Variants in MEX3D observed in about 807,000 individuals in gnomAD.
MEX3D encodes mex-3 RNA binding family member D, also known as RNA-binding protein MEX3D.
Under a neutral mutation model 6.3 loss-of-function variants are expected in MEX3D, and 4 were observed. That is an observed-to-expected ratio of 0.64 (90% CI 0.31 to 1.46). The LOEUF is 1.46. Ranked by LOEUF, MEX3D falls within the 40% of genes most tolerant of loss-of-function variation. The pLI, the probability that MEX3D is intolerant of heterozygous loss-of-function variation, is 0.07. For synonymous variants in MEX3D, 626 were observed against 494.1 expected, an observed-to-expected ratio of 1.27 and a Z score of -3.54; for missense variants, 1,038 against 994.4, an observed-to-expected ratio of 1.04 and a Z score of -0.59.
chr19:1,557,889 A>C (rs1254879960), intron 1 of MEX3D, among the ~76,000 whole-genome samples: 2 of 143,836 alleles, frequency 1.4e-5, no homozygotes, highest in Non-Finnish European at 3.0e-5. Flanking sequence ...AAAAAAAAAA[A>C]AAAAAAAGCC....
At chr19:1,558,809 G>C (rs886762199) in intron 1 of MEX3D, among the ~76,000 whole-genome samples, 1 of 152,220 alleles carries the variant, frequency 6.6e-6, no homozygotes, top group Admixed American at 6.5e-5. Context: ...GCCCTGAGGG[G>C]CCTGCTGTGG....
In MEX3D at chr19:1,563,729, AC is replaced by A. The variant is rs1000269120; in HGVS notation, c.595+3734del. Among the ~76,000 whole-genome samples, 26 of 151,702 alleles carry A rather than the reference AC, an allele frequency of 1.7e-4. 1 individual carries two copies. Among genetic ancestry groups the A allele is most frequent in the Admixed American group, 7.2e-4 (11 of 15,220 alleles). On this transcript the variant is annotated intron_variant, in intron 1 of 1. Transcript: ENST00000402693. ...CTCCCAGACAGGGCTGCCTCCCCTC[AC>A]CCCCAGCCCTCAAGCTTTGGAATCT...
In MEX3D at chr19:1,556,337, C is replaced by T. The variant is rs774314774; in HGVS notation, c.1182G>A (p.Thr394=). The T allele has an allele frequency of 2.9e-6, 4 of 1,384,984 alleles. No homozygotes were observed. The highest frequency in any genetic ancestry group is 3.1e-5 in the African/African-American group (2 of 65,218). 85.8% of individuals were successfully genotyped at this position (1,384,984 alleles called of 1,614,324 possible). ...CGGGGGCGCTGGGGGCGCCCAGGGC[C>T]GTGTCCCCGCGGAGGCCGGCCGTGG... is the stretch of plus-strand genomic sequence containing the variant. ...PTATAGLRGD[T]ALGAPSAPEA... is the part of the protein sequence containing the mutation. Residue 394 remains threonine, a synonymous_variant, in exon 2 of 2, where the codon ACG becomes ACA. Transcript: ENST00000402693. This position sits in a 1 kb window ranked among gnomAD's most constrained non-coding sequence, Gnocchi z 7.5.
Position 1,555,453 on chromosome 19 carries a change from C to A in MEX3D, c.*110G>T. 7.5e-7 allele frequency: 1 copy of A among 1,326,736 alleles called. No homozygotes were observed. Among genetic ancestry groups the A allele is most frequent in the Non-Finnish European group, 1.0e-6 (1 of 992,354 alleles). The allele number at this position is 1,326,736 out of a possible 1,614,324, so 82.2% of individuals were successfully genotyped here. ...GCCGCCCACCCCCCTGCCCCCTCGG[C>A]CTCCGCCCCTCGCCCCCTCCCCGTC... On this transcript the variant is annotated 3_prime_UTR_variant, in exon 2 of 2. Coordinates refer to ENST00000402693, the MANE Select transcript of MEX3D (RefSeq NM_203304.4).
chr19:1,556,165 C>T lies in MEX3D; in HGVS notation c.1354G>A (p.Asp452Asn), dbSNP rs769687242. The T allele has an allele frequency of 2.0e-6, 3 of 1,470,566 alleles. No individual in the cohort carries two copies. Among genetic ancestry groups the T allele is most frequent in the Admixed American group, 4.2e-5 (2 of 47,074 alleles). The allele number at this position is 1,470,566 out of a possible 1,614,324, so 91.1% of individuals were successfully genotyped here. ...AGGAAGTCGAAGTCGAAGCCGAAGT[C>T]GCAGTCGTCGGGGGCGGCCGTCCCC... ...PVGTAAPDDC[D>N]FGFDFDFLAL... Residue 452 changes from aspartate (D) to asparagine (N), a missense_variant, in exon 2 of 2, where the codon GAC becomes AAC. Asp to Asn is a conservative substitution (Grantham distance 23). Coordinates refer to ENST00000402693, the MANE Select transcript of MEX3D (RefSeq NM_203304.4). The surrounding 1 kb of genome is among the most constrained non-coding windows in gnomAD (Gnocchi z 7.5).
Position 1,555,953 on chromosome 19 carries a change from G to C in MEX3D, c.1566C>G (p.Gly522=). ...RHSPTLPEPG[G]LRLELPLSRR... ...GAGACAGCGGGAGCTCCAGGCGGAGGCCGCCGGGCTCGGGCAGCGTGGGCG... is the reference window on the plus strand; with the variant it reads ...GAGACAGCGGGAGCTCCAGGCGGAGCCCGCCGGGCTCGGGCAGCGTGGGCG... Residue 522 remains glycine (G), a synonymous_variant, in exon 2 of 2, where the codon GGC becomes GGG. Transcript: ENST00000402693. 8.5e-7 allele frequency: 1 copy of C among 1,172,526 alleles called. No individual in the cohort carries two copies. Among genetic ancestry groups the C allele is most frequent in the African/African-American group, 1.6e-5 (1 of 61,010 alleles). 72.6% of individuals were successfully genotyped at this position (1,172,526 alleles called of 1,614,324 possible).
In MEX3D at chr19:1,567,157, C is replaced by T. The variant is rs1914862919; in HGVS notation, c.595+307G>A. 1.3e-5 allele frequency among the ~76,000 whole-genome samples: 2 copies of T among 152,096 alleles called. No individual in the cohort carries two copies. The highest frequency in any genetic ancestry group is 1.3e-4 in the Admixed American group (2 of 15,280). Reference sequence around the variant, plus strand: ...GCCCTCGAGCCCCTCTCTGGGGTGCCCCTGCGGGCGGCCGAGGGCCTGGGC... The same window carrying T: ...GCCCTCGAGCCCCTCTCTGGGGTGCTCCTGCGGGCGGCCGAGGGCCTGGGC... On this transcript the variant is annotated intron_variant, in intron 1 of 1. Transcript: ENST00000402693. This position sits in a 1 kb window ranked among gnomAD's most constrained non-coding sequence, Gnocchi z 6.5.
At position 1,556,896 on chromosome 19, in the gene MEX3D, T is replaced by C. The variant is rs1029561197; in HGVS notation, c.623A>G (p.Lys208Arg). 6.2e-7 allele frequency: 1 copy of C among 1,610,384 alleles called. No homozygotes were observed. Among genetic ancestry groups the C allele is most frequent in the East Asian group, 2.2e-5 (1 of 44,862 alleles). ...TGGGGTCTTGATGTAGGTGTTTGTC[T>C]TGGCCCGCAGGGCCTTGATCTTGCA... ...QGCKIKALRA[K>R]TNTYIKTPVR... The change falls in exon 2 of 2, where the codon AAG becomes AGG. Residue 208 changes from lysine to arginine, a missense_variant. This residue lies in a region of MEX3D where 75 missense variants were observed against 125.1 expected (regional missense o/e 0.60). Coordinates refer to ENST00000402693, the MANE Select transcript of MEX3D (RefSeq NM_203304.4). The surrounding 1 kb of genome is among the most constrained non-coding windows in gnomAD (Gnocchi z 7.5).
chr19:1,556,045 T>G lies in MEX3D; in HGVS notation c.1474A>C (p.Asn492His). 1.5e-6 allele frequency: 2 copies of G among 1,340,656 alleles called. No individual in the cohort carries two copies. The highest frequency in any genetic ancestry group is 1.9e-6 in the Non-Finnish European group (2 of 1,045,084). The allele number at this position is 1,340,656 out of a possible 1,614,324, so 83.0% of individuals were successfully genotyped here. Reference sequence around the variant, plus strand: ...GCGGCGGGAGGTCCCGGGGCTCCGTTGACCGTGGAGCAGCCGCTGAAGGCG... The same window carrying G: ...GCGGCGGGAGGTCCCGGGGCTCCGTGGACCGTGGAGCAGCCGCTGAAGGCG... ...LPAFSGCSTV[N>H]GAPGPPAAGA... Residue 492 changes from asparagine (N) to histidine (H), a missense_variant, in exon 2 of 2, where the codon AAC becomes CAC. By Grantham distance (68) the Asn-to-His change is moderately conservative. This residue lies in a region of MEX3D where 581 missense variants were observed against 516.2 expected (regional missense o/e 1.13). Transcript: ENST00000402693. The surrounding 1 kb of genome is among the most constrained non-coding windows in gnomAD (Gnocchi z 7.5).
In MEX3D at chr19:1,567,769, GC is replaced by G; in HGVS notation, c.289del (p.Ala97ArgfsTer71). ...AAAAGGADGG[A>X]APEPVPPDGP... ...GTCGGGGGGCACAGGCTCCGGAGCC[GC>G]CCCGCCGTCCGCGCCCCCCGCCGCC... On this transcript the variant is annotated frameshift_variant, in exon 1 of 2. Coordinates refer to ENST00000402693, the MANE Select transcript of MEX3D (RefSeq NM_203304.4). LOFTEE classifies it high-confidence loss of function. This position sits in a 1 kb window ranked among gnomAD's most constrained non-coding sequence, Gnocchi z 6.5. The G allele has an allele frequency of 2.1e-6, 2 of 944,314 alleles. No homozygotes were observed. The highest frequency in any genetic ancestry group is 2.5e-6 in the Non-Finnish European group (2 of 793,766). 58.5% of individuals were successfully genotyped at this position (944,314 alleles called of 1,614,324 possible). A position where few individuals can be genotyped will look rare whatever the true frequency, so the allele number is the denominator to read the frequency against.
chr19:1,562,608 G>A (rs1914748246), intron 1 of MEX3D, among the ~76,000 whole-genome samples: 1 of 152,204 alleles, frequency 6.6e-6, no homozygotes. Flanking sequence ...AGAGGTGGGA[G>A]GATCGTCTGA....
At chr19:1,565,228 A>C (rs990513028) in intron 1 of MEX3D, among the ~76,000 whole-genome samples, 6 of 152,262 alleles carry the variant, frequency 3.9e-5, no homozygotes, top group Middle Eastern at 6.8e-3. Context: ...TCTACAAGAA[A>C]AACTTTATAA....
Position 1,556,922 on chromosome 19 carries a change from G to A in MEX3D, c.597C>T (p.Gly199=), listed in dbSNP as rs757401375. 1 of 1,599,726 alleles carries A rather than the reference G, an allele frequency of 6.3e-7. No individual in the cohort carries two copies. Among genetic ancestry groups the A allele is most frequent in the South Asian group, 1.1e-5 (1 of 90,294 alleles). ...TGGCCCGCAGGGCCTTGATCTTGCA[G>A]CCTGTCCGGGAGGGAGGGGAAGGAC... The part of the protein sequence containing the change: ...EHVAEIVGRQ[G]CKIKALRAKT... The change falls in exon 2 of 2, where the codon GGC becomes GGT. Residue 199 remains glycine, a splice_region_variant and synonymous_variant. Coordinates refer to ENST00000402693, the MANE Select transcript of MEX3D (RefSeq NM_203304.4). The surrounding 1 kb of genome is among the most constrained non-coding windows in gnomAD (Gnocchi z 7.5).
At position 1,555,576 on chromosome 19, in the gene MEX3D, T is replaced by C. The variant is rs1914507690; in HGVS notation, c.1943A>G (p.His648Arg). 1 of 1,585,396 alleles carries C rather than the reference T, an allele frequency of 6.3e-7. No individual in the cohort carries two copies. The highest frequency in any genetic ancestry group is 1.2e-5 in the South Asian group (1 of 86,922). The change falls in exon 2 of 2, where the codon CAT (histidine) becomes CGT (arginine). Residue 648 changes from histidine to arginine, a missense_variant. Physicochemically the swap from His to Arg is conservative, Grantham distance 29 (BLOSUM62 0). Coordinates refer to ENST00000402693, the MANE Select transcript of MEX3D (RefSeq NM_203304.4). ...ACRTPATQAIHIFS is the reference protein window; with the variant it reads ...ACRTPATQAIRIFS ...GTGGTCCGCGCTCTAGGAAAAGATA[T>C]GAATGGCCTGGGTGGCCGGCGTGCG...
chr19:1,567,580 G>T lies in MEX3D; in HGVS notation c.479C>A (p.Pro160Gln), dbSNP rs539081284. 2 of 1,489,494 alleles carry T rather than the reference G, an allele frequency of 1.3e-6. No individual in the cohort carries two copies. Among genetic ancestry groups the T allele is most frequent in the South Asian group, 2.6e-5 (2 of 78,160 alleles). The allele number at this position is 1,489,494 out of a possible 1,614,324, so 92.3% of individuals were successfully genotyped here. A position where few individuals can be genotyped will look rare whatever the true frequency, so the allele number is the denominator to read the frequency against. Residue 160 changes from proline (P) to glutamine (Q), a missense_variant, in exon 1 of 2, where the codon CCG (proline) becomes CAG (glutamine). By Grantham distance (76) the Pro-to-Gln change is moderately conservative. Around this residue, in one of 5 missense-constraint regions of MEX3D, gnomAD observed 265 missense variants for 206.3 expected, o/e 1.28. Transcript: ENST00000402693. The surrounding 1 kb of genome is among the most constrained non-coding windows in gnomAD (Gnocchi z 6.5). ...GCTCATCTGGTCGGCCAGCAGCGTC[G>T]GGGGCCCCAGGGCCGCGGGGTGGGG... ...FAPHPAALGP[P>Q]TLLADQMSVI...
intron 1 of MEX3D, among the ~76,000 whole-genome samples, chr19:1,559,259 G>T (rs1914659606): frequency 6.6e-6 from 1 of 152,102 alleles, no homozygotes; most frequent in African/African-American, 2.4e-5. Flanking sequence ...AGCTTCCTGA[G>T]TAGCTGGGAT....
At chr19:1,562,937 G>C (rs1568266754) in intron 1 of MEX3D, among the ~76,000 whole-genome samples, 1 of 152,076 alleles carries the variant, frequency 6.6e-6, no homozygotes, top group African/African-American at 2.4e-5. Context: ...AGAACTGCTT[G>C]AACCTGGGAG....
intron 1 of MEX3D, among the ~76,000 whole-genome samples, chr19:1,560,401 C>T (rs1283710499): frequency 1.3e-5 from 2 of 152,250 alleles, no homozygotes; most frequent in African/African-American, 2.4e-5. Context: ...TTCCCCATCA[C>T]GCCGACCCGG....
In MEX3D at chr19:1,567,698, G is replaced by C. The variant is rs1599330474; in HGVS notation, c.361C>G (p.Pro121Ala). The change falls in exon 1 of 2, where the codon CCC becomes GCC. Residue 121 changes from proline to alanine, a missense_variant. Coordinates refer to ENST00000402693, the MANE Select transcript of MEX3D (RefSeq NM_203304.4). This position sits in a 1 kb window ranked among gnomAD's most constrained non-coding sequence, Gnocchi z 6.5. Reference sequence around the variant, plus strand: ...GGGTCCAGCAGCGGCAGCGACCCGGGGGCCACGGCGGGGGCCAGGGTCGGG... The same window carrying C: ...GGGTCCAGCAGCGGCAGCGACCCGGCGGCCACGGCGGGGGCCAGGGTCGGG... Reference protein sequence around the residue: ...APPTLAPAVAPGSLPLLDPNA... With the variant: ...APPTLAPAVAAGSLPLLDPNA... 6.5e-6 allele frequency: 7 copies of C among 1,077,162 alleles called. No homozygotes were observed. In the East Asian group the frequency reaches 3.6e-4, roughly 56 times the overall value. 66.7% of individuals were successfully genotyped at this position (1,077,162 alleles called of 1,614,324 possible). A position where few individuals can be genotyped will look rare whatever the true frequency, so the allele number is the denominator to read the frequency against.
Sources: allele counts gnomAD v4.1 joint callset (sites outside exome capture counted in the v4.1 genomes callset), GRCh38; gene constraint gnomAD v4.1.1; regional missense constraint gnomAD v4.1.1; non-coding constraint Gnocchi (gnomAD v3.1); transcripts MANE v1.5; gene names NCBI Gene and HGNC (gene_info 2026-07-23, HGNC 2026-07-21).